The following BTG4 variants were observed in gnomAD, a reference collection of about 807,000 sequenced individuals.
The protein encoded by BTG4 is protein BTG4.
In BTG4, 10 loss-of-function variants were observed where a neutral mutation model predicts 19.3. The observed-to-expected ratio is 0.52, with a 90% CI of 0.32 to 0.88. BTG4 has a LOEUF of 0.88. Among genes scored for constraint, BTG4 ranks in the 40% least tolerant of loss-of-function variants. BTG4 has a pLI of 0.04. For missense variants in BTG4, 238 were observed against 281.9 expected, an observed-to-expected ratio of 0.84 and a Z score of 1.11; for synonymous variants, 91 against 95.7, an observed-to-expected ratio of 0.95 and a Z score of 0.29.
chr11:111,407,280 A>G, the BTG4 span, among the ~76,000 whole-genome samples: 2 of 150,854 alleles, frequency 1.3e-5, no homozygotes, highest in Non-Finnish European at 3.0e-5. Context: ...ATATACTATT[A>G]TGAAAATGAT....
the BTG4 span, among the ~76,000 whole-genome samples, chr11:111,434,511 C>T: frequency 1.3e-5 from 2 of 151,414 alleles, no homozygotes; most frequent in Non-Finnish European, 2.9e-5. Flanking sequence ...CAAACCTGCA[C>T]GTTGTGCACA....
At chr11:111,404,585 C>G in the BTG4 span, 1 of 455,972 alleles carries the variant, frequency 2.2e-6, no homozygotes, top group Non-Finnish European at 4.4e-6. Context: ...TCAGTTATTA[C>G]TCAAAGGGTA....
At chr11:111,436,236 T>C in the BTG4 span, among the ~76,000 whole-genome samples, 5 of 152,180 alleles carry the variant, frequency 3.3e-5, no homozygotes, top group Admixed American at 2.0e-4. Flanking sequence ...AGCACCCTGA[T>C]TATCTGAATT....
At chr11:111,401,053 T>TAAAAAAAAAAA in the BTG4 span, 1 of 82,154 alleles carries the variant, frequency 1.2e-5, no homozygotes, top group African/African-American at 5.6e-5. Context: ...ACCTGGAGCA[T>TAAAAAAAAAAA]AAAAAAAAAA....
downstream of BTG4, among the ~76,000 whole-genome samples, chr11:111,465,080 G>A (rs779438707): frequency 1.3e-5 from 2 of 152,130 alleles, no homozygotes; most frequent in Non-Finnish European, 2.9e-5. Context: ...GCTCCCCAAA[G>A]GGACCCCAGA....
At chr11:111,479,809 T>C (rs367680807) in intron 5 of BTG4, among the ~76,000 whole-genome samples, 4 of 152,164 alleles carry the variant, frequency 2.6e-5, no homozygotes, top group South Asian at 4.1e-4. Context: ...TACATACATA[T>C]AATGCAATAC....
At chr11:111,476,811 AT>A (rs1181344504) in intron 5 of BTG4, among the ~76,000 whole-genome samples, 1 of 152,228 alleles carries the variant, frequency 6.6e-6, no homozygotes, top group Non-Finnish European at 1.5e-5. Context: ...AAACCAATGC[AT>A]AACTTTATAA....
the BTG4 span, chr11:111,414,867 C>T: frequency 3.3e-5 from 5 of 152,366 alleles, no homozygotes; most frequent in South Asian, 2.1e-4. Flanking sequence ...AGCCTGAAGT[C>T]GCTGGAGATA....
chr11:111,514,612 C>G, upstream of BTG4: 1 of 614,584 alleles, frequency 1.6e-6, no homozygotes, highest in Middle Eastern at 4.4e-4. Context: ...AACCTGATCA[C>G]CGCAGGGGTG....
intron 5 of BTG4, among the ~76,000 whole-genome samples, chr11:111,483,339 C>A (rs1038363004): frequency 1.3e-5 from 2 of 152,148 alleles, no homozygotes; most frequent in Admixed American, 6.5e-5. Context: ...TGGCCACAAG[C>A]ATCAACAACA....
chr11:111,443,423 T>C, the BTG4 span, among the ~76,000 whole-genome samples: 2 of 152,252 alleles, frequency 1.3e-5, no homozygotes, highest in Non-Finnish European at 2.9e-5. Flanking sequence ...AAATGTACCA[T>C]ATTAATGTAA....
the BTG4 span, among the ~76,000 whole-genome samples, chr11:111,440,718 G>A: frequency 2.6e-5 from 4 of 152,236 alleles, no homozygotes; most frequent in African/African-American, 7.2e-5. Flanking sequence ...TCAGGTCAGT[G>A]CTGAGGCGAA....
the BTG4 span, among the ~76,000 whole-genome samples, chr11:111,429,805 C>T: frequency 6.6e-6 from 1 of 152,258 alleles, no homozygotes; most frequent in Non-Finnish European, 1.5e-5. Flanking sequence ...TCCCCCACTT[C>T]AATTCTTCTG....
Position 111,495,278 on chromosome 11 carries a change from G to A in BTG4, c.547C>T (p.Gln183Ter). Residue 183 changes from glutamine to a stop codon, truncating the protein, a stop_gained, in exon 5 of 5, where the codon CAA becomes TAA. Transcript: ENST00000692032. LOFTEE classifies it low-confidence loss of function (END_TRUNC). ...ACCACATTCTTTTTGCGGGGGATTT[G>A]TAACCAAGATTGAAAGGGCTGTTTC... is the stretch of plus-strand genomic sequence containing the variant. ...NLKQPFQSWL[Q>*]IPRKKNVVDG... 1 of 1,611,172 alleles carries A rather than the reference G, an allele frequency of 6.2e-7. No homozygotes were observed. Among genetic ancestry groups the A allele is most frequent in the Admixed American group, 1.7e-5 (1 of 59,058 alleles).
At chr11:111,513,574 G>A (rs143146542), upstream of BTG4, 27 of 468,192 alleles carry the variant, frequency 5.8e-5, 1 homozygote, top group African/African-American at 4.7e-4. Flanking sequence ...GAAGAGGGGT[G>A]TTGGAAAATG....
downstream of BTG4, among the ~76,000 whole-genome samples, chr11:111,494,279 T>C (rs1865588548): frequency 6.6e-6 from 1 of 152,122 alleles, no homozygotes; most frequent in Non-Finnish European, 1.5e-5. Context: ...ATTAACAGGA[T>C]CTGCCAAACA....
chr11:111,493,721 T>G (rs1030847544), downstream of BTG4, among the ~76,000 whole-genome samples: 2 of 152,134 alleles, frequency 1.3e-5, no homozygotes, highest in Non-Finnish European at 2.9e-5. Flanking sequence ...ACAAACTCAC[T>G]TTTCAGCAGA....
chr11:111,483,172 C>T (rs1864846934), intron 5 of BTG4, among the ~76,000 whole-genome samples: 1 of 152,148 alleles, frequency 6.6e-6, no homozygotes, highest in Non-Finnish European at 1.5e-5. Flanking sequence ...TTAGGGTACA[C>T]CCCAGTGCTG....
At chr11:111,508,529 C>T (rs1015871112) in intron 1 of BTG4, among the ~76,000 whole-genome samples, 5 of 152,022 alleles carry the variant, frequency 3.3e-5, no homozygotes, top group Admixed American at 3.3e-4. Flanking sequence ...CATAAATTTG[C>T]TTGTGTTTTT....
Sources: allele counts gnomAD v4.1 joint callset (sites outside exome capture counted in the v4.1 genomes callset), GRCh38; gene constraint gnomAD v4.1.1; transcripts MANE v1.5; gene names NCBI Gene and HGNC (gene_info 2026-07-23, HGNC 2026-07-21).